Variants in USP32 observed in about 807,000 individuals in gnomAD.
USP32 encodes ubiquitin carboxyl-terminal hydrolase 32.
USP32 carries 59 observed loss-of-function variants against 204.8 expected under a neutral mutation model. The ratio of observed to expected loss-of-function variants is 0.29; its 90% CI spans 0.23 to 0.36. The LOEUF (loss-of-function observed/expected upper bound fraction) is 0.36. Among genes scored for constraint, USP32 ranks in the 10% least tolerant of loss-of-function variants. USP32 has a pLI of 1.00. For synonymous variants in USP32, 517 were observed against 678.4 expected (o/e 0.76, Z 3.70); for missense variants, 1,160 against 1,946.4 (o/e 0.60, Z 7.60).
intron 11 of USP32, among the ~76,000 whole-genome samples, chr17:60,239,485 G>A (rs1404749383): frequency 2.0e-5 from 3 of 151,908 alleles, no homozygotes; most frequent in African/African-American, 7.3e-5. Context: ...GGTTTCTTAC[G>A]TTCTGTTCAT....
intron 1 of USP32, chr17:60,421,886 A>G (rs991028825): frequency 1.2e-5 from 12 of 985,300 alleles, no homozygotes; most frequent in Middle Eastern, 5.2e-4. Context: ...CCCGCGTCTC[A>G]GCGCCTCCTG....
chr17:60,179,454 C>T (rs760818400), intron 33 of USP32, 26 bp from the exon 34 acceptor site: 2 of 1,610,336 alleles, frequency 1.2e-6, no homozygotes, highest in Non-Finnish European at 1.7e-6. Context: ...AAACCTTTAA[C>T]AAAAAGCCAT....
intron 13 of USP32, among the ~76,000 whole-genome samples, chr17:60,224,553 G>A (rs1288540640): frequency 6.6e-6 from 1 of 152,228 alleles, no homozygotes; most frequent in African/African-American, 2.4e-5. Context: ...GGGAGGCCAA[G>A]GCTGGAGGAC....
At chr17:60,234,496 G>A (rs1187518833) in intron 12 of USP32, among the ~76,000 whole-genome samples, 1 of 151,674 alleles carries the variant, frequency 6.6e-6, no homozygotes, top group African/African-American at 2.4e-5. Flanking sequence ...GGGAGGCCGA[G>A]GAGGGCAGAT....
At chr17:60,205,835 C>T (rs1214047098) in intron 25 of USP32, among the ~76,000 whole-genome samples, 177 bp from the exon 26 acceptor site, 4 of 152,146 alleles carry the variant, frequency 2.6e-5, no homozygotes, top group Admixed American at 2.6e-4. Context: ...TTTTACTTCC[C>T]TAACTCACAC....
chr17:60,209,102 G>T (rs1048981488), intron 22 of USP32, among the ~76,000 whole-genome samples: 21 of 152,050 alleles, frequency 1.4e-4, no homozygotes, highest in Non-Finnish European at 2.8e-4. Flanking sequence ...CAATTACGGG[G>T]ACTCTTTAAA....
At chr17:60,276,394 C>A (rs148230590) in intron 5 of USP32, among the ~76,000 whole-genome samples, 2 of 151,938 alleles carry the variant, frequency 1.3e-5, no homozygotes, top group Non-Finnish European at 2.9e-5. Context: ...AATTGAGATT[C>A]CTAAATAAGA....
intron 6 of USP32, among the ~76,000 whole-genome samples, chr17:60,270,446 C>T (rs1432678058): frequency 6.6e-6 from 1 of 152,106 alleles, no homozygotes; most frequent in Non-Finnish European, 1.5e-5. Flanking sequence ...AAGGTGAGAG[C>T]TGGAAGCAGA....
chr17:60,402,975 G>A (rs977296120), intron 1 of USP32, among the ~76,000 whole-genome samples: 1 of 152,144 alleles, frequency 6.6e-6, no homozygotes, highest in Non-Finnish European at 1.5e-5. Flanking sequence ...AAAAGAGGAG[G>A]GGAGAGAAGG....
rs1158204624 is a variant in USP32, at chr17:60,191,400, TAAAA to T, written c.3522-721_3522-718del. Among the ~76,000 whole-genome samples, 152 of 58,406 alleles carry T rather than the reference TAAAA, an allele frequency of 2.6e-3. 6 individuals are homozygous for T. The highest frequency in any genetic ancestry group is 7.4e-3 in the African/African-American group (141 of 19,048). 38.3% of individuals were successfully genotyped at this position (58,406 alleles called of 152,430 possible). ...CTGGGTGACAGAGTGAGACTCTGTTTAAAAAAAAAAAAAAAAAAAAAAAAAAGTT... is the reference window on the plus strand; with the variant it reads ...CTGGGTGACAGAGTGAGACTCTGTTTAAAAAAAAAAAAAAAAAAAAAAGTT... On this transcript the variant is annotated intron_variant, in intron 28 of 33. Coordinates refer to ENST00000300896, the MANE Select transcript of USP32 (RefSeq NM_032582.4).
chr17:60,231,954 A>G (rs2085564889), intron 12 of USP32, among the ~76,000 whole-genome samples: 1 of 152,174 alleles, frequency 6.6e-6, no homozygotes, highest in South Asian at 2.1e-4. Context: ...GCCACTTCTA[A>G]GAAAGGATGG....
intron 5 of USP32, among the ~76,000 whole-genome samples, chr17:60,285,305 A>G (rs2087083663): frequency 6.6e-6 from 1 of 152,242 alleles, no homozygotes; most frequent in African/African-American, 2.4e-5. Context: ...TTTCCTATTT[A>G]AAACAAAGAT....
At chr17:60,298,221 C>T (rs1480200286) in intron 3 of USP32, among the ~76,000 whole-genome samples, 1 of 152,168 alleles carries the variant, frequency 6.6e-6, no homozygotes, top group Non-Finnish European at 1.5e-5. Flanking sequence ...ATGGCCCCTC[C>T]GATAAGCTGT....
In USP32 at chr17:60,271,431, C is replaced by T; in HGVS notation, c.622G>A (p.Ala208Thr). The T allele has an allele frequency of 6.2e-7, 1 of 1,614,098 alleles. No individual in the cohort carries two copies. The highest frequency in any genetic ancestry group is 2.2e-5 in the East Asian group (1 of 44,864). The change falls in exon 6 of 34, where the codon GCT becomes ACT. Residue 208 changes from alanine (A) to threonine (T), a missense_variant. Transcript: ENST00000300896. ...DLEKRYWLLK[A>T]QSRTGRFDLE... is the part of the protein sequence containing the mutation. ...TCAAATCGTCCAGTCCGGGATTGAG[C>T]CTTCAATAACCAATAGCGTTTCTCA...
intron 12 of USP32, among the ~76,000 whole-genome samples, chr17:60,232,276 G>A (rs1019521774): frequency 4.8e-4 from 70 of 146,378 alleles, no homozygotes; most frequent in Admixed American, 3.4e-3. Context: ...GGGTTTAAGC[G>A]ATTCTCCTGC....
chr17:60,347,233 G>A (rs1292363437), intron 1 of USP32, among the ~76,000 whole-genome samples: 1 of 151,716 alleles, frequency 6.6e-6, no homozygotes, highest in Non-Finnish European at 1.5e-5. Context: ...CACCCAGGCT[G>A]GAGTGCAGTG....
intron 12 of USP32, among the ~76,000 whole-genome samples, chr17:60,227,271 C>CTTTTTTTTTTTTT (rs376585619): frequency 8.1e-6 from 1 of 122,884 alleles, no homozygotes; most frequent in Non-Finnish European, 1.6e-5. Flanking sequence ...TTCTTTTTTT[C>CTTTTTTTTTTTTT]TTTTTTTTTT....
At chr17:60,342,105 T>G (rs1483611501) in intron 2 of USP32, among the ~76,000 whole-genome samples, 2 of 150,850 alleles carry the variant, frequency 1.3e-5, no homozygotes, top group Admixed American at 1.3e-4. Flanking sequence ...GATGTCCTTT[T>G]TGTTGATGAT....
chr17:60,371,875 T>C (rs2089449369), intron 1 of USP32, among the ~76,000 whole-genome samples: 1 of 152,160 alleles, frequency 6.6e-6, no homozygotes, highest in South Asian at 2.1e-4. Context: ...CTTAGAATAC[T>C]AAGCAAACAC....
Sources: allele counts gnomAD v4.1 joint callset (sites outside exome capture counted in the v4.1 genomes callset), GRCh38; gene constraint gnomAD v4.1.1; transcripts MANE v1.5; gene names NCBI Gene and HGNC (gene_info 2026-07-23, HGNC 2026-07-21).